Variants in PLEC observed in about 807,000 individuals in gnomAD.
The protein encoded by PLEC is hemidesmosomal protein 1.
In PLEC, 216 loss-of-function variants were observed where a neutral mutation model predicts 392.8. The ratio of observed to expected loss-of-function variants is 0.55; its 90% CI spans 0.49 to 0.62. The LOEUF (loss-of-function observed/expected upper bound fraction) is 0.62. Ranked by LOEUF, PLEC falls within the 20% of genes least tolerant of loss-of-function variation. The pLI is 0.00. For synonymous variants in PLEC, 3,621 were observed against 2,980.6 expected (o/e 1.21, Z -7.00); for missense variants, 6,863 against 6,563.4 (o/e 1.05, Z -1.58).
Position 143,967,346 on chromosome 8 carries a change from G to C in PLEC, c.70+6057C>G, listed in dbSNP as rs1324163270. ...CCACTGCATTCCAGCCTGGGCAACAGAGCGAGACTCCATCTCAAAAAAAAA... is the reference window on the plus strand; with the variant it reads ...CCACTGCATTCCAGCCTGGGCAACACAGCGAGACTCCATCTCAAAAAAAAA... On this transcript the variant is annotated intron_variant, in intron 1 of 31. Transcript: ENST00000356346. Among the ~76,000 whole-genome samples, 43 of 112,982 alleles carry C rather than the reference G, an allele frequency of 3.8e-4. No homozygotes were observed. The Admixed American group carries it at 4.3e-3, about 11-fold the overall frequency. The allele number at this position is 112,982 out of a possible 152,430, so 74.1% of individuals were successfully genotyped here. A position where few individuals can be genotyped will look rare whatever the true frequency, so the allele number is the denominator to read the frequency against.
chr8:143,918,666 C>T lies in PLEC; in HGVS notation c.11155G>A (p.Val3719Met), dbSNP rs1554675887. The stretch of plus-strand genomic sequence containing the variant: ...TGTGCCTCCAGCAGCAGGCGGGCCA[C>T]CTCGGCACTCAGCAGCCCTTTCTTG... ...ALKKGLLSAE[V>M]ARLLLEAQAA... Residue 3719 changes from valine (V) to methionine (M), a missense_variant, in exon 32 of 32, where the codon GTG becomes ATG. Physicochemically the swap from Val to Met is conservative, Grantham distance 21. Coordinates refer to ENST00000345136, the MANE Select transcript of PLEC (RefSeq NM_201384.3). 1 of 1,612,870 alleles carries T rather than the reference C, an allele frequency of 6.2e-7. No individual in the cohort carries two copies. Among genetic ancestry groups the T allele is most frequent in the African/African-American group, 1.3e-5 (1 of 75,040 alleles).
rs2131470837 is a variant in PLEC, at chr8:143,925,306, C to T, written c.4623G>A (p.Leu1541=). The part of the protein sequence containing the change: ...KQRALQALEE[L]RLQAEEAERR... ...GCTCCGCCTCCTCCGCCTGCAGCCG[C>T]AGCTCCTCCAGGGCCTGCAGGGCCC... Residue 1541 remains leucine (L), a synonymous_variant, in exon 31 of 32, where the codon CTG becomes CTA. Coordinates refer to ENST00000345136, the MANE Select transcript of PLEC (RefSeq NM_201384.3). 1.3e-6 allele frequency: 2 copies of T among 1,570,382 alleles called. No homozygotes were observed. The highest frequency in any genetic ancestry group is 1.1e-5 in the South Asian group (1 of 87,614).
At chr8:143,953,917 C>G, upstream of PLEC, 1 of 1,454,170 alleles carries the variant, frequency 6.9e-7, no homozygotes, top group Non-Finnish European at 9.0e-7. Flanking sequence ...TTCAGCTGAT[C>G]AATGCGCCGG....
intron 1 of PLEC, among the ~76,000 whole-genome samples, chr8:143,948,881 G>C (rs1201797928): frequency 6.6e-6 from 1 of 152,250 alleles, no homozygotes; most frequent in Non-Finnish European, 1.5e-5. Context: ...GGTGGGAGAG[G>C]ACAGCAGGAA....
rs1249759703 is a variant in PLEC at position 143,938,141 on chromosome 8, G to A, written c.264+10C>T. The A allele has an allele frequency of 1.3e-6, 2 of 1,596,642 alleles. No individual in the cohort carries two copies. The highest frequency in any genetic ancestry group is 1.3e-5 in the African/African-American group (1 of 74,684). ...CAGGCGGGGCCCGGAGGGGGCAGGGGCACACGTACCAGGCTGTCCCCCGAG... is the reference window on the plus strand; with the variant it reads ...CAGGCGGGGCCCGGAGGGGGCAGGGACACACGTACCAGGCTGTCCCCCGAG... On this transcript the variant is annotated intron_variant, in intron 3 of 31. Coordinates refer to ENST00000345136, the MANE Select transcript of PLEC (RefSeq NM_201384.3).
At chr8:143,925,991 G>T in intron 30 of PLEC, 107 bp from the exon 31 acceptor site, 2 of 1,279,456 alleles carry the variant, frequency 1.6e-6, no homozygotes, top group Non-Finnish European at 2.2e-6. Context: ...CGGAGCAGGG[G>T]TCGGGGAAGA....
In PLEC at chr8:143,918,067, G is replaced by T; in HGVS notation, c.11754C>A (p.Ile3918=). The T allele has an allele frequency of 1.2e-6, 2 of 1,600,932 alleles. No individual in the cohort carries two copies. Among genetic ancestry groups the T allele is most frequent in the Non-Finnish European group, 1.7e-6 (2 of 1,175,720 alleles). ...ALQLREGLTS[I]EEVTKNLQKF... ...TCTGCAAGTTCTTGGTGACCTCCTC[G>T]ATGGAGGTCAGGCCCTCCCGCAGCT... Residue 3918 remains isoleucine (I), a synonymous_variant, in exon 32 of 32, where the codon ATC becomes ATA. Transcript: ENST00000345136.
rs781879724 is a variant in PLEC at position 143,929,967 on chromosome 8, A to G, written c.2708T>C (p.Val903Ala). The G allele has an allele frequency of 6.2e-7, 1 of 1,611,354 alleles. No individual in the cohort carries two copies. Among genetic ancestry groups the G allele is most frequent in the Admixed American group, 1.7e-5 (1 of 59,922 alleles). Reference sequence around the variant, plus strand: ...CAGGGACCAGGAGCGGATGAGCTGCACGTCGCGGCGAAGGCTCTGCCAGGC... The same window carrying G: ...CAGGGACCAGGAGCGGATGAGCTGCGCGTCGCGGCGAAGGCTCTGCCAGGC... Reference protein sequence around the residue: ...LLAWQSLRRDVQLIRSWSLAT... With the variant: ...LLAWQSLRRDAQLIRSWSLAT... Residue 903 changes from valine to alanine, a missense_variant, in exon 22 of 32, where the codon GTG (valine) becomes GCG (alanine). Transcript: ENST00000345136.
rs60390350 is a variant in PLEC, at chr8:143,935,523, G to A, written c.603-210C>T. ...CCAGGGGCACAGCACAGAGGACTGCGCAGAGCTGAGGGTGCCAGGCAGCTG... is the reference window on the plus strand; with the variant it reads ...CCAGGGGCACAGCACAGAGGACTGCACAGAGCTGAGGGTGCCAGGCAGCTG... On this transcript the variant is annotated intron_variant, in intron 6 of 31. Coordinates refer to ENST00000345136, the MANE Select transcript of PLEC (RefSeq NM_201384.3). Among the ~76,000 whole-genome samples, 70 of 152,294 alleles carry A rather than the reference G, an allele frequency of 4.6e-4. 2 individuals carry two copies. In the East Asian group the frequency reaches 0.012, roughly 26 times the overall value.
rs3135105 is a variant in PLEC, at chr8:143,931,618, C to T, written c.2220G>A (p.Lys740=). Residue 740 remains lysine, a synonymous_variant, in exon 19 of 32, where the codon AAG becomes AAA. Transcript: ENST00000345136. ...ATTTCCTACGCAGTGCCTCCTGCAGCTTCTGCAACTGCCCCTCGGCCTCCC... is the reference window on the plus strand; with the variant it reads ...ATTTCCTACGCAGTGCCTCCTGCAGTTTCTGCAACTGCCCCTCGGCCTCCC... ...DVREAEGQLQ[K]LQEALRRKYS... 2 of 1,601,158 alleles carry T rather than the reference C, an allele frequency of 1.2e-6. No individual in the cohort carries two copies. Among genetic ancestry groups the T allele is most frequent in the African/African-American group, 2.7e-5 (2 of 74,772 alleles).
intron 12 of PLEC, 57 bp from the exon 13 acceptor site, chr8:143,933,408 G>A: frequency 6.3e-7 from 1 of 1,599,258 alleles, no homozygotes; most frequent in Admixed American, 1.7e-5. Context: ...ACCTCACAGG[G>A]GCCCCGGCCA....
In PLEC at chr8:143,917,392, G is replaced by A. The variant is rs373975624; in HGVS notation, c.12429C>T (p.Ile4143=). 4.3e-5 allele frequency: 70 copies of A among 1,611,792 alleles called. No homozygotes were observed. Among genetic ancestry groups the A allele is most frequent in the Admixed American group, 3.0e-4 (18 of 59,998 alleles). Residue 4143 remains isoleucine (I), a synonymous_variant, in exon 32 of 32, where the codon ATC becomes ATT. Transcript: ENST00000345136. ...TCTCCTTGCCCGTCTCGGGGTCCACGATGACCACTCGGCGCTTGCGCACGG... is the reference window on the plus strand; with the variant it reads ...TCTCCTTGCCCGTCTCGGGGTCCACAATGACCACTCGGCGCTTGCGCACGG... ...KSSVRKRRVV[I]VDPETGKEMS...
In PLEC at chr8:143,934,572, G is replaced by C. The variant is rs782734826; in HGVS notation, c.1041+63C>G. 5 of 1,602,418 alleles carry C rather than the reference G, an allele frequency of 3.1e-6. No individual in the cohort carries two copies. In the Admixed American group the frequency reaches 6.7e-5, roughly 21 times the overall value. The stretch of plus-strand genomic sequence containing the variant: ...CAAAGGCAGGGCCAGGTCGGCTCCG[G>C]AAGAACCTTTCAGGCCTGGGGCGTT... On this transcript the variant is annotated intron_variant, in intron 10 of 31. Coordinates refer to ENST00000345136, the MANE Select transcript of PLEC (RefSeq NM_201384.3).
intron 1 of PLEC, among the ~76,000 whole-genome samples, chr8:143,939,041 G>A (rs1554726247): frequency 6.6e-6 from 1 of 152,132 alleles, no homozygotes; most frequent in African/African-American, 2.4e-5. Flanking sequence ...GGGTGTGGCA[G>A]AGCCAGGGCC....
At position 143,923,187 on chromosome 8, in the gene PLEC, C is replaced by T. The variant is rs1554691569; in HGVS notation, c.6742G>A (p.Glu2248Lys). The T allele has an allele frequency of 8.1e-6, 13 of 1,602,468 alleles. No individual in the cohort carries two copies. The highest frequency in any genetic ancestry group is 5.0e-5 in the Admixed American group (3 of 59,984). ...AAGATGAGTGCGCGGTTCTCAGCCT[C>T]GATGCGTGCCTTGAGCTTGCTCAGC... is the stretch of plus-strand genomic sequence containing the variant. ...EELSKLKARI[E>K]AENRALILRD... The change falls in exon 31 of 32, where the codon GAG becomes AAG. Residue 2248 changes from glutamate (E) to lysine (K), a missense_variant. Physicochemically the swap from Glu to Lys is moderately conservative, Grantham distance 56. Transcript: ENST00000345136.
Position 143,921,086 on chromosome 8 carries a change from G to T in PLEC, c.8735C>A (p.Ala2912Glu). The change falls in exon 32 of 32, where the codon GCG becomes GAG. Residue 2912 changes from alanine (A) to glutamate (E), a missense_variant. Transcript: ENST00000345136. ...RDVFEKATVSAPFGKFQGKTV... is the reference protein window; with the variant it reads ...RDVFEKATVSEPFGKFQGKTV... ...CTTGCCCTGGAACTTGCCGAACGGC[G>T]CAGACACGGTGGCCTTCTCAAAGAC... 1 of 1,611,818 alleles carries T rather than the reference G, an allele frequency of 6.2e-7. No individual in the cohort carries two copies.
chr8:143,973,573 C>A (rs1286837826), upstream of PLEC: 1 of 997,568 alleles, frequency 1.0e-6, no homozygotes, highest in African/African-American at 1.8e-5. This position sits in a 1 kb window ranked among gnomAD's most constrained non-coding sequence, Gnocchi z 5.6. Context: ...CGCCCCCGCC[C>A]CGCCCCCGCC....
Position 143,918,532 on chromosome 8 carries a change from C to A in PLEC, c.11289G>T (p.Ser3763=), listed in dbSNP as rs373507638. 6.2e-7 allele frequency: 1 copy of A among 1,609,492 alleles called. No individual in the cohort carries two copies. ...VGPELHDRLL[S]AERAVTGYRD... ...GGTAGCCGGTGACCGCCCGCTCAGC[C>A]GAGAGCAGGCGGTCGTGCAGCTCGG... Residue 3763 remains serine (S), a synonymous_variant, in exon 32 of 32, where the codon TCG becomes TCT. Coordinates refer to ENST00000345136, the MANE Select transcript of PLEC (RefSeq NM_201384.3).
At chr8:143,928,275 A>G (rs1035830260) in intron 25 of PLEC, among the ~76,000 whole-genome samples, 7 of 152,262 alleles carry the variant, frequency 4.6e-5, no homozygotes, top group African/African-American at 1.7e-4. Flanking sequence ...GGACGAGCCC[A>G]CTGGCTGGAT....
Sources: allele counts gnomAD v4.1 joint callset (sites outside exome capture counted in the v4.1 genomes callset), GRCh38; gene constraint gnomAD v4.1.1; non-coding constraint Gnocchi (gnomAD v3.1); transcripts MANE v1.5; gene names NCBI Gene and HGNC (gene_info 2026-07-23, HGNC 2026-07-21).